The following DOK5 variants were observed in gnomAD, a reference collection of about 807,000 sequenced individuals.
DOK5 encodes the protein docking protein 5, also known as downstream of tyrosine kinase 5.
DOK5 carries 27 observed loss-of-function variants against 43.3 expected under a neutral mutation model. The ratio of observed to expected loss-of-function variants is 0.62; its 90% CI spans 0.46 to 0.86. The LOEUF (loss-of-function observed/expected upper bound fraction) is 0.86, where lower values mean the gene tolerates loss of function less well. Ranked by LOEUF, DOK5 falls within the 40% of genes least tolerant of loss-of-function variation. The pLI is 0.00. For missense variants in DOK5, 373 were observed against 392.9 expected, an observed-to-expected ratio of 0.95 and a Z score of 0.43; for synonymous variants, 146 against 140.1, an observed-to-expected ratio of 1.04 and a Z score of -0.30.
At chr20:54,484,508 C>T (rs1981849949) in intron 1 of DOK5, among the ~76,000 whole-genome samples, 1 of 152,064 alleles carries the variant, frequency 6.6e-6, no homozygotes, top group South Asian at 2.1e-4. Flanking sequence ...AACCACTTTC[C>T]CCCCAATGGT....
At chr20:54,559,375 A>T (rs1424324141) in intron 2 of DOK5, among the ~76,000 whole-genome samples, 1 of 152,152 alleles carries the variant, frequency 6.6e-6, no homozygotes, top group African/African-American at 2.4e-5. Flanking sequence ...TTTCTGTGTA[A>T]AGGTGGCCTC....
chr20:54,609,596 T>G (rs1414937826), intron 5 of DOK5, among the ~76,000 whole-genome samples: 1 of 151,702 alleles, frequency 6.6e-6, no homozygotes, highest in African/African-American at 2.4e-5. Flanking sequence ...AGAGCATATA[T>G]ATACACATAC....
At chr20:54,562,447 C>A (rs779580592) in intron 2 of DOK5, among the ~76,000 whole-genome samples, 8 of 152,284 alleles carry the variant, frequency 5.3e-5, no homozygotes, top group Non-Finnish European at 7.4e-5. Context: ...GAGACAGTGT[C>A]TTGCTTTGCC....
chr20:54,617,346 T>C (rs1371109078), intron 6 of DOK5, among the ~76,000 whole-genome samples: 2 of 152,254 alleles, frequency 1.3e-5, no homozygotes, highest in East Asian at 3.9e-4. Context: ...TTCTTTTTTT[T>C]TGGAGACAGA....
intron 2 of DOK5, among the ~76,000 whole-genome samples, chr20:54,561,041 A>G (rs1050959778): frequency 6.6e-6 from 1 of 152,154 alleles, no homozygotes; most frequent in Non-Finnish European, 1.5e-5. Flanking sequence ...TTCCCTCTCA[A>G]ATCAATCCAT....
intron 1 of DOK5, among the ~76,000 whole-genome samples, chr20:54,484,849 C>CA (rs575721952): frequency 2.4e-3 from 358 of 152,182 alleles, no homozygotes; most frequent in African/African-American, 7.8e-3. Context: ...ACTGTCTCTA[C>CA]AAAAAATAAA....
At position 54,650,399 on chromosome 20, in the gene DOK5, A is replaced by G. The variant is rs768254732; in HGVS notation, c.857-16A>G. On this transcript the variant is annotated splice_polypyrimidine_tract_variant and intron_variant, in intron 7 of 7. Transcript: ENST00000262593. ...CTTGAAATGTAACTGTTGATTTTAA[A>G]TTCTTTTTGGAAAAGATGTTTCCAG... 6.2e-7 allele frequency: 1 copy of G among 1,613,520 alleles called. No individual in the cohort carries two copies. The highest frequency in any genetic ancestry group is 1.1e-5 in the South Asian group (1 of 90,928).
rs78099906 is a variant in DOK5, at chr20:54,546,337, T to C, written c.67-8596T>C. The stretch of plus-strand genomic sequence containing the variant: ...TATTTGATTTGCTTTGGAAAGTAAG[T>C]GCCAATAGGAGTAGCACATGAGAAC... On this transcript the variant is annotated intron_variant, in intron 1 of 7. Transcript: ENST00000262593. Among the ~76,000 whole-genome samples, 6 of 152,302 alleles carry C rather than the reference T, an allele frequency of 3.9e-5. No homozygotes were observed. In the South Asian group the frequency reaches 1.2e-3, roughly 32 times the overall value.
intron 6 of DOK5, among the ~76,000 whole-genome samples, chr20:54,615,058 G>A (rs898727213): frequency 6.6e-6 from 1 of 152,184 alleles, no homozygotes; most frequent in African/African-American, 2.4e-5. Flanking sequence ...CTCATATCTG[G>A]CCATAGCCTC....
At position 54,631,443 on chromosome 20, in the gene DOK5, AAAGG is replaced by A. The variant is rs572439873; in HGVS notation, c.736-12002_736-11999del. On this transcript the variant is annotated intron_variant, in intron 6 of 7. Coordinates refer to ENST00000262593, the MANE Select transcript of DOK5 (RefSeq NM_018431.5). ...AATAAAGAAAGAGAAGAAAGGAAAG[AAAGG>A]AAGGAAGGAAGGGAGGGAGAGAAGG... is the stretch of plus-strand genomic sequence containing the variant. Among the ~76,000 whole-genome samples, 24 of 151,090 alleles carry A rather than the reference AAAGG, an allele frequency of 1.6e-4. No homozygotes were observed. The South Asian group carries it at 2.5e-3, about 16-fold the overall frequency.
intron 1 of DOK5, among the ~76,000 whole-genome samples, chr20:54,507,721 C>G (rs1257053537): frequency 1.3e-5 from 2 of 152,076 alleles, no homozygotes; most frequent in African/African-American, 4.8e-5. Flanking sequence ...CTCATGGGTA[C>G]AAGATAGAAC....
At chr20:54,479,975 G>A (rs1205675055) in intron 1 of DOK5, among the ~76,000 whole-genome samples, 1 of 151,848 alleles carries the variant, frequency 6.6e-6, no homozygotes, top group African/African-American at 2.4e-5. Flanking sequence ...GTCACCTCAC[G>A]CTATCCACTG....
intron 1 of DOK5, among the ~76,000 whole-genome samples, chr20:54,543,691 A>G (rs1984245444): frequency 6.6e-6 from 1 of 152,084 alleles, no homozygotes; most frequent in Non-Finnish European, 1.5e-5. Context: ...AATTTACAGA[A>G]TGAGTGTATA....
At chr20:54,604,307 T>C (rs1214800200) in intron 5 of DOK5, among the ~76,000 whole-genome samples, 2 of 152,044 alleles carry the variant, frequency 1.3e-5, no homozygotes, top group Non-Finnish European at 2.9e-5. Context: ...CTGTGCTTTT[T>C]TTTTTTTTAC....
At chr20:54,631,748 C>T (rs775514649) in intron 6 of DOK5, among the ~76,000 whole-genome samples, 2 of 151,984 alleles carry the variant, frequency 1.3e-5, no homozygotes, top group Non-Finnish European at 2.9e-5. Flanking sequence ...CCGAGGTGGG[C>T]GGATCACAAG....
chr20:54,526,933 C>A (rs1600681170), intron 1 of DOK5, among the ~76,000 whole-genome samples: 1 of 152,030 alleles, frequency 6.6e-6, no homozygotes, highest in East Asian at 1.9e-4. Context: ...TATTATAGTC[C>A]ATGTTACATA....
intron 2 of DOK5, among the ~76,000 whole-genome samples, chr20:54,565,108 T>C (rs1244695652): frequency 1.3e-5 from 2 of 152,218 alleles, no homozygotes; most frequent in Non-Finnish European, 2.9e-5. Flanking sequence ...TCTTTAGTAC[T>C]GTACTCTCAC....
intron 6 of DOK5, among the ~76,000 whole-genome samples, chr20:54,622,023 G>A (rs897595741): frequency 7.2e-5 from 11 of 151,758 alleles, no homozygotes; most frequent in East Asian, 1.9e-4. Context: ...CTGAAACCCC[G>A]TCTCTACTAC....
chr20:54,540,509 TA>T (rs1015783625), intron 1 of DOK5, among the ~76,000 whole-genome samples: 1 of 152,148 alleles, frequency 6.6e-6, no homozygotes, highest in Non-Finnish European at 1.5e-5. Context: ...AGCAATATGC[TA>T]AGTATGTTAT....
Sources: gnomAD v4.1 joint callset for allele counts (sites outside exome capture counted in the v4.1 genomes callset) on GRCh38, gnomAD v4.1.1 for gene constraint, MANE v1.5 for transcripts, NCBI Gene and HGNC (gene_info 2026-07-23, HGNC 2026-07-21) for gene names.